Variants in FBN1 observed in about 807,000 individuals in gnomAD.
The protein encoded by FBN1 is fibrillin-1.
Under a neutral mutation model 365.1 loss-of-function variants are expected in FBN1, and 29 were observed. The observed-to-expected ratio is 0.08, with a 90% CI of 0.06 to 0.11. FBN1 has a LOEUF of 0.11. Among genes scored for constraint, FBN1 ranks in the 10% least tolerant of loss-of-function variants. The pLI, the probability that FBN1 is intolerant of heterozygous loss-of-function variation, is 1.00. For synonymous variants in FBN1, 1,210 were observed against 1,270.5 expected, an observed-to-expected ratio of 0.95 and a Z score of 1.01; for missense variants, 2,476 against 3,703.2, an observed-to-expected ratio of 0.67 and a Z score of 8.60.
chr15:48,492,480 G>A lies in FBN1; in HGVS notation c.2835C>T (p.Ala945=), dbSNP rs140389544. The change falls in exon 24 of 66, where the codon GCC becomes GCT. Residue 945 remains alanine, a synonymous_variant. Transcript: ENST00000316623. The part of the protein sequence containing the change: ...CQCPSGMTLD[A]TGRICLDIRL... ...ATTTACCAAGACAGATCCTTCCTGT[G>A]GCATCCAAAGTCATTCCACTGGGAC... 33 of 1,613,266 alleles carry A rather than the reference G, an allele frequency of 2.0e-5. No individual in the cohort carries two copies. The African/African-American group carries it at 3.9e-4, about 19-fold the overall frequency.
chr15:48,487,244 CA>C (rs1285818682), intron 28 of FBN1, 44 bp from the exon 29 acceptor site: 2 of 1,614,092 alleles, frequency 1.2e-6, no homozygotes, highest in Non-Finnish European at 8.5e-7. Context: ...CATAAGCTTC[CA>C]ACTTTGGCAA....
intron 56 of FBN1, among the ~76,000 whole-genome samples, chr15:48,429,884 GT>G (rs2043011787): frequency 6.6e-6 from 1 of 152,220 alleles, no homozygotes; most frequent in Non-Finnish European, 1.5e-5. Flanking sequence ...GAGAATGCGT[GT>G]GAGAAGGTTT....
At chr15:48,580,990 T>C (rs971874502) in intron 6 of FBN1, among the ~76,000 whole-genome samples, 1 of 152,224 alleles carries the variant, frequency 6.6e-6, no homozygotes, top group Non-Finnish European at 1.5e-5. Context: ...TTGAACTTGC[T>C]GTCATTGAGT....
At chr15:48,484,017 C>A in intron 30 of FBN1, 74 bp from the exon 31 acceptor site, 1 of 1,493,466 alleles carries the variant, frequency 6.7e-7, no homozygotes, top group Non-Finnish European at 9.2e-7. Flanking sequence ...CATTAACTGA[C>A]CGCAGTCAAA....
intron 6 of FBN1, among the ~76,000 whole-genome samples, chr15:48,572,401 T>A (rs1416390691): frequency 7.9e-5 from 12 of 151,970 alleles, no homozygotes; most frequent in Non-Finnish European, 5.9e-5. Flanking sequence ...CCAACCAAGT[T>A]TTCAATAAAG....
At chr15:48,622,288 T>C (rs1889784356) in intron 2 of FBN1, among the ~76,000 whole-genome samples, 1 of 152,170 alleles carries the variant, frequency 6.6e-6, no homozygotes, top group South Asian at 2.1e-4. Context: ...ACAAAGATTA[T>C]CTACACAACA....
At chr15:48,453,032 G>T (rs1037498914) in intron 44 of FBN1, among the ~76,000 whole-genome samples, 2 of 152,056 alleles carry the variant, frequency 1.3e-5, no homozygotes, top group Non-Finnish European at 2.9e-5. Flanking sequence ...TAAGGCGGGC[G>T]GATCACCTGA....
chr15:48,571,574 T>A (rs902693059), intron 6 of FBN1, among the ~76,000 whole-genome samples: 6 of 152,156 alleles, frequency 3.9e-5, no homozygotes, highest in African/African-American at 1.4e-4. Context: ...TAAGAACCTA[T>A]TTCAATAAAG....
intron 53 of FBN1, among the ~76,000 whole-genome samples, chr15:48,436,208 T>C (rs2043070837): frequency 6.6e-6 from 1 of 152,180 alleles, no homozygotes; most frequent in Middle Eastern, 3.2e-3. Flanking sequence ...GCTGCAAAGG[T>C]AATTAGAAAT....
chr15:48,616,800 T>G (rs1385878799), intron 2 of FBN1, among the ~76,000 whole-genome samples: 1 of 152,154 alleles, frequency 6.6e-6, no homozygotes, highest in Non-Finnish European at 1.5e-5. Context: ...TTTAAAAAAT[T>G]AAAATTCAAA....
intron 6 of FBN1, among the ~76,000 whole-genome samples, chr15:48,568,433 C>A (rs1461732225): frequency 6.6e-6 from 1 of 152,030 alleles, no homozygotes; most frequent in Admixed American, 6.5e-5. Context: ...CATTTCTTCA[C>A]AAATTGACCT....
chr15:48,435,896 A>G (rs2043068832), intron 53 of FBN1, among the ~76,000 whole-genome samples: 1 of 151,612 alleles, frequency 6.6e-6, no homozygotes, highest in Admixed American at 6.6e-5. Context: ...CCCCTTAGGA[A>G]AGAAATAATT....
At chr15:48,516,392 C>T (rs1180814028) in intron 10 of FBN1, 30 bp from the exon 11 acceptor site, 3 of 1,608,744 alleles carry the variant, frequency 1.9e-6, no homozygotes, top group Non-Finnish European at 2.6e-6. Flanking sequence ...CAAAACACAA[C>T]AGCTGAGCTG....
Position 48,431,391 on chromosome 15 carries a change from G to A in FBN1, c.6740-589C>T, listed in dbSNP as rs371729488. On this transcript the variant is annotated intron_variant, in intron 55 of 65. Transcript: ENST00000316623. ...GCTGGGATTACAGGCATGAGCCATC[G>A]TGCCTGGCTGTCCCTTTATGTTTTA... is the stretch of plus-strand genomic sequence containing the variant. Among the ~76,000 whole-genome samples the A allele has an allele frequency of 1.2e-4, 19 of 152,062 alleles. No individual in the cohort carries two copies. The East Asian group carries it at 1.4e-3, about 11-fold the overall frequency.
chr15:48,410,740 C>A lies in FBN1; in HGVS notation c.*250G>T. 4.3e-6 allele frequency: 2 copies of A among 468,098 alleles called. No individual in the cohort carries two copies. Among genetic ancestry groups the A allele is most frequent in the South Asian group, 3.0e-5 (1 of 32,866 alleles). 29.0% of individuals were successfully genotyped at this position (468,098 alleles called of 1,614,324 possible). On this transcript the variant is annotated 3_prime_UTR_variant, in exon 66 of 66. Transcript: ENST00000316623. ...CAACCCCCAATGGAAATACACGTCC[C>A]AGTTTTCAAGAATCAACACATATGA...
At chr15:48,431,290 G>A (rs1266308910) in intron 55 of FBN1, among the ~76,000 whole-genome samples, 2 of 151,510 alleles carry the variant, frequency 1.3e-5, no homozygotes, top group South Asian at 2.1e-4. Flanking sequence ...TAGTAGAGAT[G>A]GGGTTTCACC....
At chr15:48,499,653 A>G (rs773402207) in intron 17 of FBN1, among the ~76,000 whole-genome samples, 12 of 152,248 alleles carry the variant, frequency 7.9e-5, no homozygotes, top group Non-Finnish European at 1.5e-4. Context: ...AAAAAACTGA[A>G]GTATAAAGAA....
In FBN1 at chr15:48,481,666, G is replaced by A; in HGVS notation, c.3953C>T (p.Thr1318Ile). ...TTGAACAAACACACCTGTACAGCCA[G>A]TTTTTCCTTTTTTGCCGGAGTAGCC... ...DMGYSGKKGK[T>I]GCTDINECEI... Residue 1318 changes from threonine to isoleucine, a missense_variant, in exon 32 of 66, where the codon ACT (threonine) becomes ATT (isoleucine). Transcript: ENST00000316623. 1.2e-6 allele frequency: 2 copies of A among 1,613,728 alleles called. No individual in the cohort carries two copies.
intron 15 of FBN1, among the ~76,000 whole-genome samples, chr15:48,507,056 C>A (rs1047136750): frequency 3.3e-5 from 5 of 152,044 alleles, no homozygotes; most frequent in African/African-American, 1.2e-4. Flanking sequence ...CCAATGGTTG[C>A]CAAACCTGGT....
Sources: gnomAD v4.1 joint callset for allele counts (sites outside exome capture counted in the v4.1 genomes callset) on GRCh38, gnomAD v4.1.1 for gene constraint, MANE v1.5 for transcripts, NCBI Gene and HGNC (gene_info 2026-07-23, HGNC 2026-07-21) for gene names.